The following FAM107B variants were observed in gnomAD, a reference collection of about 807,000 sequenced individuals.
FAM107B encodes the protein protein FAM107B.
A neutral mutation model predicts 31.5 loss-of-function variants in FAM107B; 21 were observed. That is an observed-to-expected ratio of 0.67 (90% CI 0.47 to 0.96). The LOEUF is 0.96. Among genes scored for constraint, FAM107B ranks in the 40% least tolerant of loss-of-function variants. The pLI is 0.00. For synonymous variants in FAM107B, 157 were observed against 141.5 expected, an observed-to-expected ratio of 1.11 and a Z score of -0.78; for missense variants, 452 against 377.1, an observed-to-expected ratio of 1.20 and a Z score of -1.64.
chr10:14,535,625 G>A (rs992674464), intron 2 of FAM107B, among the ~76,000 whole-genome samples: 2 of 152,352 alleles, frequency 1.3e-5, no homozygotes, highest in Middle Eastern at 3.4e-3. Flanking sequence ...CCAAGGTGCT[G>A]CATGAAGTTC....
chr10:14,682,514 G>A (rs1173166620), intron 1 of FAM107B, among the ~76,000 whole-genome samples: 3 of 152,214 alleles, frequency 2.0e-5, no homozygotes, highest in South Asian at 2.1e-4. Flanking sequence ...GGGCAACAGA[G>A]TGAGACTCCA....
chr10:14,563,846 G>C (rs1160634448), intron 2 of FAM107B, among the ~76,000 whole-genome samples: 1 of 152,158 alleles, frequency 6.6e-6, no homozygotes, highest in Non-Finnish European at 1.5e-5. Context: ...AGCTGGTTAT[G>C]AAACAGATTC....
At chr10:14,671,905 C>CAAAAAAAAAA (rs1564621080) in intron 1 of FAM107B, among the ~76,000 whole-genome samples, 4 of 137,784 alleles carry the variant, frequency 2.9e-5, no homozygotes, top group African/African-American at 1.2e-4. Flanking sequence ...AAAAAAAAAC[C>CAAAAAAAAAA]CTCTATTTCT....
At chr10:14,557,562 T>C (rs1262886598) in intron 2 of FAM107B, among the ~76,000 whole-genome samples, 1 of 152,244 alleles carries the variant, frequency 6.6e-6, no homozygotes, top group East Asian at 1.9e-4. Flanking sequence ...GTCATTTAAC[T>C]GTTTAAAACT....
At chr10:14,651,971 G>A (rs924883329) in intron 2 of FAM107B, among the ~76,000 whole-genome samples, 1 of 152,102 alleles carries the variant, frequency 6.6e-6, no homozygotes, top group Non-Finnish European at 1.5e-5. Flanking sequence ...TGGAAAGAAG[G>A]AATCCAACAT....
At chr10:14,546,932 C>T (rs1351923441) in intron 2 of FAM107B, among the ~76,000 whole-genome samples, 1 of 152,144 alleles carries the variant, frequency 6.6e-6, no homozygotes, top group Non-Finnish European at 1.5e-5. Flanking sequence ...TGTATGATTG[C>T]AAATTCTTTA....
chr10:14,541,187 G>T (rs958629542), intron 2 of FAM107B, among the ~76,000 whole-genome samples: 2 of 152,058 alleles, frequency 1.3e-5, no homozygotes, highest in Non-Finnish European at 2.9e-5. Flanking sequence ...GCTTCTCCAT[G>T]GCCTCCATCC....
In FAM107B at chr10:14,619,456, G is replaced by A. The variant is rs908080790; in HGVS notation, c.469+48178C>T. ...TATTATGTTGAGCACCTTTTCATGTGCTATTTGTCATCCATATATCTTCCT... is the reference window on the plus strand; with the variant it reads ...TATTATGTTGAGCACCTTTTCATGTACTATTTGTCATCCATATATCTTCCT... On this transcript the variant is annotated intron_variant, in intron 2 of 4. Transcript: ENST00000181796. Among the ~76,000 whole-genome samples the A allele has an allele frequency of 1.1e-4, 17 of 151,954 alleles. No individual in the cohort carries two copies. The East Asian group carries it at 3.1e-3, about 28-fold the overall frequency.
intron 2 of FAM107B, among the ~76,000 whole-genome samples, chr10:14,585,473 C>T (rs1395757619): frequency 1.3e-5 from 2 of 152,198 alleles, no homozygotes; most frequent in Admixed American, 6.5e-5. Context: ...GGTGAAGCCA[C>T]GGACCCTGGG....
intron 1 of FAM107B, among the ~76,000 whole-genome samples, chr10:14,708,760 A>G (rs1855575088): frequency 6.6e-6 from 1 of 152,260 alleles, no homozygotes; most frequent in Admixed American, 6.5e-5. Context: ...CCAAATATGC[A>G]AAGAAAGAAC....
intron 1 of FAM107B, among the ~76,000 whole-genome samples, chr10:14,743,278 T>C (rs998877121): frequency 1.3e-5 from 2 of 152,228 alleles, no homozygotes; most frequent in Non-Finnish European, 2.9e-5. Flanking sequence ...GATGGATAGA[T>C]TGCAAATTTT....
intron 2 of FAM107B, among the ~76,000 whole-genome samples, chr10:14,539,237 A>T (rs967686227): frequency 1.3e-5 from 2 of 152,250 alleles, no homozygotes; most frequent in African/African-American, 4.8e-5. Context: ...GCTGTGGAAG[A>T]AAGAAAATGA....
intron 1 of FAM107B, among the ~76,000 whole-genome samples, chr10:14,671,892 A>AC (rs1491235446): frequency 6.8e-6 from 1 of 147,560 alleles, no homozygotes; most frequent in Non-Finnish European, 1.5e-5. Context: ...AAACAAAAAA[A>AC]CAAAAAAAAA....
At chr10:14,767,760 C>A (rs1049088310) in intron 1 of FAM107B, among the ~76,000 whole-genome samples, 2 of 152,092 alleles carry the variant, frequency 1.3e-5, no homozygotes, top group Middle Eastern at 3.2e-3. Flanking sequence ...AAATCAGGAA[C>A]AAAACAAGGA....
At chr10:14,531,444 C>T (rs148407706) in intron 2 of FAM107B, among the ~76,000 whole-genome samples, 2 of 151,422 alleles carry the variant, frequency 1.3e-5, no homozygotes, top group African/African-American at 4.9e-5. Context: ...CACTTGAGCC[C>T]AAGAGTTGAG....
chr10:14,580,725 T>C (rs1463358452), intron 2 of FAM107B, among the ~76,000 whole-genome samples: 1 of 151,768 alleles, frequency 6.6e-6, no homozygotes, highest in Non-Finnish European at 1.5e-5. Flanking sequence ...GCCAAAGACA[T>C]AGGATTATGC....
At chr10:14,583,113 A>C (rs1851705435) in intron 2 of FAM107B, among the ~76,000 whole-genome samples, 1 of 151,972 alleles carries the variant, frequency 6.6e-6, no homozygotes, top group Non-Finnish European at 1.5e-5. Context: ...AAGAAAAGAA[A>C]GAAAGAAAGC....
chr10:14,646,003 C>T (rs1438952755), intron 2 of FAM107B, among the ~76,000 whole-genome samples: 2 of 152,120 alleles, frequency 1.3e-5, no homozygotes, highest in Non-Finnish European at 2.9e-5. Flanking sequence ...AGCTCTCCTC[C>T]CTCCTCTCCA....
At chr10:14,675,342 T>A (rs1257902764) in intron 1 of FAM107B, among the ~76,000 whole-genome samples, 1 of 152,144 alleles carries the variant, frequency 6.6e-6, no homozygotes. Flanking sequence ...TTCTCATTTG[T>A]CTGGTGGATA....
Sources: allele counts gnomAD v4.1 joint callset (sites outside exome capture counted in the v4.1 genomes callset), GRCh38; gene constraint gnomAD v4.1.1; transcripts MANE v1.5; gene names NCBI Gene and HGNC (gene_info 2026-07-23, HGNC 2026-07-21).